Variants in APOBEC1 observed in about 807,000 individuals in gnomAD.
APOBEC1 encodes apolipoprotein B mRNA editing enzyme catalytic subunit 1.
Under a neutral mutation model 26.3 loss-of-function variants are expected in APOBEC1, and 22 were observed. The ratio of observed to expected loss-of-function variants is 0.84; its 90% CI spans 0.60 to 1.19. APOBEC1 has a LOEUF of 1.19. Among genes scored for constraint, APOBEC1 ranks in the 50% most tolerant of loss-of-function variants. APOBEC1 has a pLI of 0.00. For missense variants in APOBEC1, 253 were observed against 289.0 expected, an observed-to-expected ratio of 0.88 and a Z score of 0.90; for synonymous variants, 77 against 95.3, an observed-to-expected ratio of 0.81 and a Z score of 1.12.
upstream of APOBEC1, among the ~76,000 whole-genome samples, chr12:7,667,228 C>T (rs1396883609): frequency 6.6e-6 from 1 of 152,004 alleles, no homozygotes. Context: ...GCTTTTTTAT[C>T]CCCCTTGAAA....
At chr12:7,660,371 G>GAAAAA (rs1555094880) in intron 1 of APOBEC1, among the ~76,000 whole-genome samples, 24 of 18,048 alleles carry the variant, frequency 1.3e-3, no homozygotes, top group South Asian at 2.3e-3. Flanking sequence ...AAGGAAGGAA[G>GAAAAA]GAAGGAAAGA....
intron 3 of APOBEC1, 107 bp downstream of exon 3, chr12:7,652,331 T>G: frequency 3.8e-6 from 4 of 1,053,018 alleles, no homozygotes; most frequent in Non-Finnish European, 5.3e-6. Flanking sequence ...TTTGGACTTT[T>G]ACTTCTGAGA....
At chr12:7,653,078 C>T (rs974885476) in intron 2 of APOBEC1, among the ~76,000 whole-genome samples, 6 of 148,736 alleles carry the variant, frequency 4.0e-5, no homozygotes, top group African/African-American at 1.2e-4. Flanking sequence ...TACAGGCTCC[C>T]GCCACCATGT....
chr12:7,656,267 C>T (rs893657871), intron 1 of APOBEC1, among the ~76,000 whole-genome samples: 2 of 152,122 alleles, frequency 1.3e-5, no homozygotes, highest in African/African-American at 4.8e-5. Context: ...TGAAATCATG[C>T]CTCACCTGGC....
chr12:7,668,646 G>A (rs950271339), upstream of APOBEC1, among the ~76,000 whole-genome samples: 1 of 152,044 alleles, frequency 6.6e-6, no homozygotes, highest in African/African-American at 2.4e-5. Flanking sequence ...GAAAATTTAT[G>A]AATTTTGAAA....
At position 7,652,822 on chromosome 12, in the gene APOBEC1, G is replaced by A. The variant is rs1396676974; in HGVS notation, c.58C>T (p.Pro20Ser). 6.3e-7 allele frequency: 1 copy of A among 1,581,792 alleles called. No individual in the cohort carries two copies. Among genetic ancestry groups the A allele is most frequent in the Non-Finnish European group, 8.6e-7 (1 of 1,164,814 alleles). ...TCATAGAAGACGTCAAACTCCCAGG[G>A]TTCGATTCTTCTCCTGAAATACAAA... ...GDPTLRRRIE[P>S]WEFDVFYDPR... The change falls in exon 3 of 5, where the codon CCC becomes TCC. Residue 20 changes from proline to serine, a missense_variant. By Grantham distance (74) the Pro-to-Ser change is moderately conservative (BLOSUM62 -1). Transcript: ENST00000229304.
chr12:7,668,861 A>T (rs1475114147), upstream of APOBEC1, among the ~76,000 whole-genome samples: 2 of 152,070 alleles, frequency 1.3e-5, no homozygotes, highest in African/African-American at 4.8e-5. Context: ...TGCAAGAAGT[A>T]GCTGGGATTA....
chr12:7,654,937 G>A (rs1173458096), intron 1 of APOBEC1, among the ~76,000 whole-genome samples: 1 of 152,202 alleles, frequency 6.6e-6, no homozygotes, highest in East Asian at 1.9e-4. Flanking sequence ...GGCCGGGTGC[G>A]GTGGCTCACG....
Position 7,651,036 on chromosome 12 carries a change from T to G in APOBEC1, c.548A>C (p.His183Pro), listed in dbSNP as rs565348963. The G allele has an allele frequency of 6.2e-7, 1 of 1,611,892 alleles. No homozygotes were observed. The highest frequency in any genetic ancestry group is 1.3e-5 in the African/African-American group (1 of 75,014). ...LWMMLYALEL[H>P]CIILSLPPCL... Reference sequence around the variant, plus strand: ...AAAGTGACTTACTAGAATTATGCAGTGCAGCTCCAGTGCGTACAACATCAT... The same window carrying G: ...AAAGTGACTTACTAGAATTATGCAGGGCAGCTCCAGTGCGTACAACATCAT... Residue 183 changes from histidine to proline, a missense_variant, in exon 4 of 5, where the codon CAC becomes CCC. Physicochemically the swap from His to Pro is moderately conservative, Grantham distance 77 (BLOSUM62 -2). Coordinates refer to ENST00000229304, the MANE Select transcript of APOBEC1 (RefSeq NM_001644.5).
intron 1 of APOBEC1, among the ~76,000 whole-genome samples, chr12:7,663,511 G>A (rs1165682649): frequency 6.6e-6 from 1 of 152,156 alleles, no homozygotes; most frequent in Middle Eastern, 3.2e-3. Flanking sequence ...GCTCTTCTCA[G>A]ATCTTAGTGC....
intron 1 of APOBEC1, among the ~76,000 whole-genome samples, chr12:7,655,337 C>T (rs1021305613): frequency 2.6e-5 from 4 of 151,188 alleles, no homozygotes; most frequent in Non-Finnish European, 4.4e-5. Context: ...ATGGAGAAAC[C>T]GCATCTCTAC....
intron 1 of APOBEC1, 77 bp downstream of exon 1, chr12:7,665,752 GACACACACACACACACACACACACACAC>G (rs60124402): frequency 7.0e-5 from 54 of 775,622 alleles, no homozygotes; most frequent in Middle Eastern, 2.8e-4. Flanking sequence ...GAATCAGCAG[GACACACACACACACACACACACACACAC>G]ACACACACAC....
intron 1 of APOBEC1, among the ~76,000 whole-genome samples, chr12:7,661,138 G>C (rs1478322854): frequency 6.6e-6 from 1 of 151,344 alleles, no homozygotes; most frequent in Admixed American, 6.6e-5. Flanking sequence ...CCCGGGAGGC[G>C]GAGCTTGCAG....
At chr12:7,653,095 A>AG (rs1863668602) in intron 2 of APOBEC1, among the ~76,000 whole-genome samples, 1 of 104,052 alleles carries the variant, frequency 9.6e-6, no homozygotes, top group Admixed American at 9.1e-5. Context: ...ATGTCCAGCT[A>AG]ATTTTTTTGT....
Position 7,651,093 on chromosome 12 carries a change from T to A in APOBEC1, c.491A>T (p.Glu164Val). The A allele has an allele frequency of 6.2e-7, 1 of 1,614,148 alleles. No homozygotes were observed. The highest frequency in any genetic ancestry group is 8.5e-7 in the Non-Finnish European group (1 of 1,180,008). The change falls in exon 4 of 5, where the codon GAA becomes GTA. Residue 164 changes from glutamate to valine, a missense_variant. Coordinates refer to ENST00000229304, the MANE Select transcript of APOBEC1 (RefSeq NM_001644.5). ...AGGTGGGTATTGTGGCCAGTGAGCT[T>A]CATCCCCAGGTGGGTAGTTGACAAA... Reference protein sequence around the residue: ...RNFVNYPPGDEAHWPQYPPLW... With the variant: ...RNFVNYPPGDVAHWPQYPPLW...
intron 3 of APOBEC1, among the ~76,000 whole-genome samples, chr12:7,651,860 G>A (rs560430828): frequency 4.0e-5 from 6 of 150,708 alleles, no homozygotes; most frequent in South Asian, 2.1e-4. Flanking sequence ...TCGCTCTGTC[G>A]CCCAGGCTGG....
chr12:7,659,223 G>T (rs1275020620), intron 1 of APOBEC1, among the ~76,000 whole-genome samples: 1 of 138,996 alleles, frequency 7.2e-6, no homozygotes, highest in Admixed American at 7.6e-5. Flanking sequence ...GAACCCAGGA[G>T]GTGGAGGTTG....
At chr12:7,653,591 A>G (rs1209231972) in intron 2 of APOBEC1, among the ~76,000 whole-genome samples, 2 of 148,298 alleles carry the variant, frequency 1.3e-5, no homozygotes. Context: ...CCTCCTGAGT[A>G]GCTGAGACCA....
chr12:7,665,358 C>T (rs759654669), intron 1 of APOBEC1, among the ~76,000 whole-genome samples: 3 of 152,010 alleles, frequency 2.0e-5, no homozygotes, highest in African/African-American at 4.8e-5. Context: ...AGTGCAGTGG[C>T]GTGATCTCAG....
Sources: allele counts gnomAD v4.1 joint callset (sites outside exome capture counted in the v4.1 genomes callset), GRCh38; gene constraint gnomAD v4.1.1; transcripts MANE v1.5; gene names NCBI Gene and HGNC (gene_info 2026-07-23, HGNC 2026-07-21).